Variants in NREP observed in about 807,000 individuals in gnomAD.
NREP encodes the protein neuronal regeneration related protein.
A neutral mutation model predicts 8.6 loss-of-function variants in NREP; 5 were observed. The observed-to-expected ratio is 0.58, with a 90% CI of 0.30 to 1.22. NREP has a LOEUF of 1.22. Ranked by LOEUF, NREP falls within the 50% of genes most tolerant of loss-of-function variation. The probability of loss-of-function intolerance (pLI) is 0.07; values close to 1 mark genes in which losing one functional copy is unlikely to be tolerated. For synonymous variants in NREP, 27 were observed against 28.0 expected (o/e 0.96, Z 0.11); for missense variants, 86 against 82.5 (o/e 1.04, Z -0.17).
intron 2 of NREP, among the ~76,000 whole-genome samples, chr5:111,866,587 C>T (rs1753669289): frequency 6.6e-6 from 1 of 152,122 alleles, no homozygotes; most frequent in African/African-American, 2.4e-5. Flanking sequence ...GTCGGTGTGG[C>T]AATTCCTCAG....
At chr5:111,854,510 C>G (rs1056132990) in intron 2 of NREP, among the ~76,000 whole-genome samples, 9 of 152,206 alleles carry the variant, frequency 5.9e-5, no homozygotes, top group Admixed American at 5.9e-4. Context: ...TCTCCCCGAG[C>G]TTCACTGTTT....
At chr5:111,932,139 G>GA (rs1755558348) in intron 2 of NREP, among the ~76,000 whole-genome samples, 1 of 141,038 alleles carries the variant, frequency 7.1e-6, no homozygotes, top group South Asian at 2.2e-4. Flanking sequence ...AAAAAGAAAA[G>GA]AAAAAGAGAA....
chr5:111,740,167 C>A (rs1005258870), intron 2 of NREP, among the ~76,000 whole-genome samples: 1 of 152,082 alleles, frequency 6.6e-6, no homozygotes, highest in African/African-American at 2.4e-5. Context: ...ATATTTATCT[C>A]ACTGACAATT....
intron 2 of NREP, among the ~76,000 whole-genome samples, chr5:111,847,642 C>T (rs1753214832): frequency 1.3e-5 from 2 of 152,158 alleles, no homozygotes; most frequent in African/African-American, 2.4e-5. Flanking sequence ...TAAATGCCAT[C>T]TGGTCAGCCT....
intron 2 of NREP, among the ~76,000 whole-genome samples, chr5:111,825,364 C>T (rs1485980949): frequency 6.6e-6 from 1 of 152,108 alleles, no homozygotes; most frequent in Non-Finnish European, 1.5e-5. Context: ...AGGACAGGTC[C>T]ACAGCTGCAA....
chr5:111,761,965 T>C (rs1250594820), upstream of NREP, among the ~76,000 whole-genome samples: 1 of 152,190 alleles, frequency 6.6e-6, no homozygotes, highest in Admixed American at 6.5e-5. Context: ...CAGGGAAGGT[T>C]ATTCTGAGAG....
intron 2 of NREP, among the ~76,000 whole-genome samples, chr5:111,781,519 G>A (rs1751493406): frequency 6.6e-6 from 1 of 152,162 alleles, no homozygotes; most frequent in Admixed American, 6.5e-5. Flanking sequence ...AGCACAGGCA[G>A]GCCATCTCTA....
chr5:111,922,717 T>C (rs1755279756), intron 2 of NREP, among the ~76,000 whole-genome samples: 1 of 152,100 alleles, frequency 6.6e-6, no homozygotes, highest in South Asian at 2.1e-4. Context: ...TGGTGAAGAG[T>C]CTTAAGGACC....
intron 2 of NREP, among the ~76,000 whole-genome samples, chr5:111,836,578 A>T (rs1752900293): frequency 6.6e-6 from 1 of 152,104 alleles, no homozygotes; most frequent in African/African-American, 2.4e-5. Context: ...AACATTTCAA[A>T]GAGAAGCCAG....
At chr5:111,966,456 G>T (rs1002068229) in intron 2 of NREP, among the ~76,000 whole-genome samples, 1 of 152,124 alleles carries the variant, frequency 6.6e-6, no homozygotes, top group Admixed American at 6.5e-5. Context: ...GTAGAATTGA[G>T]AAGAGAAACT....
intron 2 of NREP, among the ~76,000 whole-genome samples, chr5:111,914,688 TGA>T (rs1465361650): frequency 6.6e-6 from 1 of 152,116 alleles, no homozygotes; most frequent in Admixed American, 6.6e-5. Context: ...GTAGCCTTAC[TGA>T]GAGATCCTTT....
chr5:111,892,277 C>A (rs1285511649), intron 2 of NREP, among the ~76,000 whole-genome samples: 1 of 152,036 alleles, frequency 6.6e-6, no homozygotes, highest in Non-Finnish European at 1.5e-5. Context: ...CAATAGAGGG[C>A]ATCTACTTAA....
At chr5:111,749,330 T>G (rs1750208762) in intron 2 of NREP, among the ~76,000 whole-genome samples, 1 of 152,112 alleles carries the variant, frequency 6.6e-6, no homozygotes, top group South Asian at 2.1e-4. Flanking sequence ...CCACCTCATC[T>G]AAAGGGGTTA....
At chr5:111,937,283 A>T (rs504582) in intron 2 of NREP, among the ~76,000 whole-genome samples, 77,149 of 151,874 alleles carry the variant, frequency 0.51, 20,594 homozygotes, top group South Asian at 0.67. Flanking sequence ...AGGGGTCATA[A>T]CTGTCTTTCT....
At chr5:111,764,331 G>A (rs777728107) in intron 2 of NREP, among the ~76,000 whole-genome samples, 1 of 152,162 alleles carries the variant, frequency 6.6e-6, no homozygotes, top group Non-Finnish European at 1.5e-5. Flanking sequence ...TCATGTTGCT[G>A]ATAAGACATA....
At chr5:111,787,143 C>T (rs890225278) in intron 2 of NREP, among the ~76,000 whole-genome samples, 12 of 152,188 alleles carry the variant, frequency 7.9e-5, no homozygotes, top group Admixed American at 2.6e-4. Flanking sequence ...ATACCCCTCC[C>T]TGTGCTTCCT....
chr5:111,878,850 C>T (rs1015320251), intron 2 of NREP, among the ~76,000 whole-genome samples: 7 of 152,144 alleles, frequency 4.6e-5, no homozygotes, highest in Admixed American at 4.6e-4. Flanking sequence ...GATCATGGCA[C>T]TCCATTCATG....
intron 2 of NREP, among the ~76,000 whole-genome samples, chr5:111,790,530 T>G (rs10463620): frequency 6.6e-6 from 1 of 152,006 alleles, no homozygotes; most frequent in African/African-American, 2.4e-5. Context: ...GAGGCCAAGG[T>G]GGAAGGTTCA....
chr5:111,742,040 T>C (rs561218829), intron 2 of NREP, among the ~76,000 whole-genome samples: 60 of 151,980 alleles, frequency 3.9e-4, no homozygotes, highest in Admixed American at 1.0e-3. Context: ...CAAATAGAGG[T>C]TGGGGGAGAC....
Sources: gnomAD v4.1 joint callset for allele counts (sites outside exome capture counted in the v4.1 genomes callset) on GRCh38, gnomAD v4.1.1 for gene constraint, MANE v1.5 for transcripts, NCBI Gene and HGNC (gene_info 2026-07-23, HGNC 2026-07-21) for gene names.